Variants in SUGCT observed in about 807,000 individuals in gnomAD.
The protein encoded by SUGCT is succinyl-CoA:glutarate-CoA transferase.
A neutral mutation model predicts 55.0 loss-of-function variants in SUGCT; 41 were observed. The ratio of observed to expected loss-of-function variants is 0.74; its 90% CI spans 0.58 to 0.97. The LOEUF is 0.97. Ranked by LOEUF, SUGCT falls within the 50% of genes least tolerant of loss-of-function variation. The probability of loss-of-function intolerance (pLI) is 0.00; values close to 1 mark genes in which losing one functional copy is unlikely to be tolerated. For missense variants in SUGCT, 568 were observed against 547.8 expected, an observed-to-expected ratio of 1.04 and a Z score of -0.37; for synonymous variants, 187 against 200.4, an observed-to-expected ratio of 0.93 and a Z score of 0.56.
In SUGCT at chr7:40,817,375, G is replaced by A. The variant is rs117581113; in HGVS notation, c.1154-42941G>A. ...CACCCAAGTCACTGGGGAGTCGGGG[G>A]AAAAAACCCTGAATAAGCAGTGATA... On this transcript the variant is annotated intron_variant, in intron 13 of 13. Transcript: ENST00000335693. Among the ~76,000 whole-genome samples the A allele has an allele frequency of 7.7e-3, 1,177 of 152,178 alleles. 9 individuals are homozygous for A. Among genetic ancestry groups the A allele is most frequent in the Non-Finnish European group, 0.01 (708 of 68,012 alleles).
rs182337594 is a variant in SUGCT, at chr7:40,188,115, T to C, written c.227-380T>C. Among the ~76,000 whole-genome samples, 255 of 151,226 alleles carry C rather than the reference T, an allele frequency of 1.7e-3. 4 individuals are homozygous for C. The highest frequency in any genetic ancestry group is 1.3e-3 in the Non-Finnish European group (85 of 67,906). On this transcript the variant is annotated intron_variant, in intron 3 of 13. Coordinates refer to ENST00000335693, the MANE Select transcript of SUGCT (RefSeq NM_001193313.2). Reference sequence around the variant, plus strand: ...CTAGAAGTTGGTAGTACTATTTTTATTTTTATTTTCAAGGTCACTTAGAAA... The same window carrying C: ...CTAGAAGTTGGTAGTACTATTTTTACTTTTATTTTCAAGGTCACTTAGAAA...
chr7:40,364,724 C>T (rs1783835596), intron 9 of SUGCT, among the ~76,000 whole-genome samples: 1 of 152,076 alleles, frequency 6.6e-6, no homozygotes, highest in Non-Finnish European at 1.5e-5. Context: ...GTAACCCGAC[C>T]TTTAAAATAG....
intron 7 of SUGCT, among the ~76,000 whole-genome samples, chr7:40,239,988 A>G (rs1789269807): frequency 6.6e-6 from 1 of 152,242 alleles, no homozygotes. Context: ...GGACAGGCAC[A>G]GTCCTTATCT....
intron 12 of SUGCT, among the ~76,000 whole-genome samples, chr7:40,543,129 C>A (rs1306889558): frequency 6.6e-6 from 1 of 152,158 alleles, no homozygotes; most frequent in Non-Finnish European, 1.5e-5. Context: ...TTTATGCCTT[C>A]CTTTTTCTGG....
At chr7:40,826,797 A>C (rs996913496) in intron 13 of SUGCT, among the ~76,000 whole-genome samples, 2 of 152,182 alleles carry the variant, frequency 1.3e-5, no homozygotes, top group Non-Finnish European at 2.9e-5. Context: ...CTGTTAAAAC[A>C]AGTGCATTGC....
intron 13 of SUGCT, among the ~76,000 whole-genome samples, chr7:40,804,315 A>G (rs1398568105): frequency 6.6e-6 from 1 of 152,182 alleles, no homozygotes; most frequent in Non-Finnish European, 1.5e-5. Context: ...CTCTTCAGGT[A>G]TAATAGAATG....
chr7:40,522,675 A>C (rs1292378654), intron 12 of SUGCT, among the ~76,000 whole-genome samples: 1 of 152,114 alleles, frequency 6.6e-6, no homozygotes, highest in Non-Finnish European at 1.5e-5. Context: ...TAGATTTTCC[A>C]TCCAGGCAGT....
chr7:40,585,085 C>T (rs1379855795), intron 12 of SUGCT, among the ~76,000 whole-genome samples: 1 of 152,174 alleles, frequency 6.6e-6, no homozygotes, highest in Non-Finnish European at 1.5e-5. Context: ...ATCCCATCAG[C>T]TCTGGCAGTT....
intron 13 of SUGCT, among the ~76,000 whole-genome samples, chr7:40,822,847 T>C (rs1020039195): frequency 6.6e-6 from 1 of 152,114 alleles, no homozygotes; most frequent in African/African-American, 2.4e-5. Flanking sequence ...GGAAATACTA[T>C]GGGAGTTGGC....
At chr7:40,777,166 G>A (rs1448014496) in intron 13 of SUGCT, among the ~76,000 whole-genome samples, 1 of 152,118 alleles carries the variant, frequency 6.6e-6, no homozygotes, top group African/African-American at 2.4e-5. Flanking sequence ...CATAGATAGT[G>A]GTTGTTCAGA....
chr7:40,526,235 T>C (rs1397007398), intron 12 of SUGCT, among the ~76,000 whole-genome samples: 1 of 152,154 alleles, frequency 6.6e-6, no homozygotes, highest in Non-Finnish European at 1.5e-5. Context: ...TTGTGCCCTG[T>C]CAAACGAATG....
chr7:40,455,105 A>C (rs1789408703), intron 10 of SUGCT, among the ~76,000 whole-genome samples: 1 of 152,144 alleles, frequency 6.6e-6, no homozygotes, highest in Non-Finnish European at 1.5e-5. Flanking sequence ...TAAAGGGACT[A>C]TATTGTAGTA....
At chr7:40,721,409 G>C (rs1231270543) in intron 12 of SUGCT, among the ~76,000 whole-genome samples, 1 of 152,146 alleles carries the variant, frequency 6.6e-6, no homozygotes, top group East Asian at 1.9e-4. Context: ...ATAGTTTGCT[G>C]TCTGCAACAG....
intron 12 of SUGCT, among the ~76,000 whole-genome samples, chr7:40,665,335 G>A (rs958920987): frequency 6.6e-6 from 1 of 151,932 alleles, no homozygotes; most frequent in Non-Finnish European, 1.5e-5. Context: ...CCAGCTACTC[G>A]GGAGGCTGAG....
At chr7:40,656,444 C>A (rs116409671) in intron 12 of SUGCT, among the ~76,000 whole-genome samples, 1 of 152,018 alleles carries the variant, frequency 6.6e-6, no homozygotes, top group Non-Finnish European at 1.5e-5. Context: ...TAGAGGTAGC[C>A]GGTTTGCATT....
At chr7:40,232,616 C>T (rs1021957996) in intron 6 of SUGCT, among the ~76,000 whole-genome samples, 9 of 152,156 alleles carry the variant, frequency 5.9e-5, no homozygotes, top group African/African-American at 1.9e-4. Context: ...ATATGGCACT[C>T]AGGGAAAATA....
chr7:41,005,373 C>G, the SUGCT span, among the ~76,000 whole-genome samples: 3 of 152,082 alleles, frequency 2.0e-5, no homozygotes, highest in Admixed American at 6.5e-5. Flanking sequence ...CCCATCCCCC[C>G]ACCCATGAGG....
At chr7:40,255,218 A>G (rs1790727507) in intron 7 of SUGCT, among the ~76,000 whole-genome samples, 1 of 135,894 alleles carries the variant, frequency 7.4e-6, no homozygotes, top group South Asian at 2.6e-4. Flanking sequence ...CAAGAGTGAA[A>G]CTTCATCTCA....
intron 11 of SUGCT, among the ~76,000 whole-genome samples, chr7:40,465,868 T>C (rs751366312): frequency 1.1e-4 from 16 of 151,904 alleles, no homozygotes; most frequent in Non-Finnish European, 1.8e-4. Context: ...TCTCTTCACC[T>C]TTCAAAAAAA....
Sources: allele counts gnomAD v4.1 joint callset (sites outside exome capture counted in the v4.1 genomes callset), GRCh38; gene constraint gnomAD v4.1.1; transcripts MANE v1.5; gene names NCBI Gene and HGNC (gene_info 2026-07-23, HGNC 2026-07-21).